The following TMTC1 variants were observed in gnomAD, a reference collection of about 807,000 sequenced individuals.
TMTC1 encodes protein O-mannosyl-transferase TMTC1.
In TMTC1, 73 loss-of-function variants were observed where a neutral mutation model predicts 104.8. The ratio of observed to expected loss-of-function variants is 0.70; its 90% CI spans 0.58 to 0.85. The LOEUF (loss-of-function observed/expected upper bound fraction) is 0.85. Ranked by LOEUF, TMTC1 falls within the 40% of genes least tolerant of loss-of-function variation. The probability of loss-of-function intolerance (pLI) is 0.00; values close to 1 mark genes in which losing one functional copy is unlikely to be tolerated. For synonymous variants in TMTC1, 434 were observed against 428.7 expected, an observed-to-expected ratio of 1.01 and a Z score of -0.15; for missense variants, 1,035 against 1,096.1, an observed-to-expected ratio of 0.94 and a Z score of 0.79.
chr12:29,717,581 A>T (rs1674562793), intron 5 of TMTC1, among the ~76,000 whole-genome samples: 2 of 152,240 alleles, frequency 1.3e-5, no homozygotes, highest in Non-Finnish European at 2.9e-5. Context: ...AGTAAAAACT[A>T]ATCATTAGCT....
intron 5 of TMTC1, among the ~76,000 whole-genome samples, chr12:29,644,890 G>A (rs1320484578): frequency 6.6e-6 from 1 of 151,998 alleles, no homozygotes; most frequent in African/African-American, 2.4e-5. Context: ...AACTCCTCTG[G>A]ATCCTTCAGG....
At chr12:29,643,121 A>T (rs993175488) in intron 5 of TMTC1, among the ~76,000 whole-genome samples, 10 of 152,110 alleles carry the variant, frequency 6.6e-5, no homozygotes, top group Admixed American at 3.3e-4. Flanking sequence ...GAGAATGGCC[A>T]TAATCAAAAA....
At chr12:29,762,777 C>A (rs749705711) in intron 2 of TMTC1, among the ~76,000 whole-genome samples, 1 of 152,192 alleles carries the variant, frequency 6.6e-6, no homozygotes, top group African/African-American at 2.4e-5. Context: ...ACTCAAGAGA[C>A]GAATGCAGTG....
chr12:29,600,219 C>G (rs112213420), intron 7 of TMTC1, among the ~76,000 whole-genome samples: 1 of 151,906 alleles, frequency 6.6e-6, no homozygotes, highest in South Asian at 2.1e-4. Flanking sequence ...GACACATCCA[C>G]GGGATGCCTA....
intron 10 of TMTC1, among the ~76,000 whole-genome samples, chr12:29,536,821 T>G (rs1295029362): frequency 1.3e-5 from 2 of 152,142 alleles, no homozygotes; most frequent in Non-Finnish European, 2.9e-5. Context: ...AGAGAAAATA[T>G]TCCATAAATA....
chr12:29,554,364 T>G (rs1945183372), intron 10 of TMTC1, among the ~76,000 whole-genome samples: 1 of 152,150 alleles, frequency 6.6e-6, no homozygotes, highest in South Asian at 2.1e-4. Flanking sequence ...TTCTTGTTTT[T>G]TTTTTAATAC....
At chr12:29,650,231 T>A (rs1939452680) in intron 5 of TMTC1, among the ~76,000 whole-genome samples, 1 of 152,036 alleles carries the variant, frequency 6.6e-6, no homozygotes. Flanking sequence ...ATTATAGACG[T>A]GCACCATGAT....
chr12:29,508,976 C>T (rs1479973152), intron 17 of TMTC1, among the ~76,000 whole-genome samples: 1 of 152,160 alleles, frequency 6.6e-6, no homozygotes, highest in Non-Finnish European at 1.5e-5. Flanking sequence ...GTTTCCAGAA[C>T]TGTGTTCACT....
chr12:29,586,382 C>A (rs1341517353), intron 7 of TMTC1, among the ~76,000 whole-genome samples: 1 of 151,952 alleles, frequency 6.6e-6, no homozygotes, highest in Admixed American at 6.6e-5. Flanking sequence ...CATCTGCAAA[C>A]AGGGACAATT....
In TMTC1 at chr12:29,704,194, G is replaced by A. The variant is rs189786306; in HGVS notation, c.938+47472C>T. Among the ~76,000 whole-genome samples, 335 of 152,254 alleles carry A rather than the reference G, an allele frequency of 2.2e-3. 2 individuals are homozygous for A. The highest frequency in any genetic ancestry group is 4.1e-3 in the Non-Finnish European group (276 of 68,002). The stretch of plus-strand genomic sequence containing the variant: ...TTCAGTAATAGCTACTTTGATATTT[G>A]TAAATCTATTCTTGGTTTTCAAAAC... On this transcript the variant is annotated intron_variant, in intron 5 of 17. Coordinates refer to ENST00000539277, the MANE Select transcript of TMTC1 (RefSeq NM_001193451.2).
At chr12:29,666,228 C>CTTTTTTTTTTTTTTTTTTTTTT in intron 5 of TMTC1, 4 of 365,796 alleles carry the variant, frequency 1.1e-5, no homozygotes, top group East Asian at 8.1e-5. Context: ...TTTCTTTTTT[C>CTTTTTTTTTTTTTTTTTTTTTT]TTTTTTTTTT....
chr12:29,755,942 A>AT, intron 3 of TMTC1, 57 bp from the exon 4 acceptor site: 1 of 1,537,594 alleles, frequency 6.5e-7, no homozygotes, highest in Non-Finnish European at 8.9e-7. Flanking sequence ...CTGCTAAGAA[A>AT]TGCCACCTCT....
intron 5 of TMTC1, chr12:29,666,394 TG>T: frequency 6.1e-6 from 2 of 329,578 alleles, no homozygotes; most frequent in East Asian, 9.5e-5. Context: ...ATTTTTTTTT[TG>T]TTGTTGTTGT....
At chr12:29,732,929 C>G (rs1942582086) in intron 5 of TMTC1, among the ~76,000 whole-genome samples, 1 of 152,110 alleles carries the variant, frequency 6.6e-6, no homozygotes, top group Non-Finnish European at 1.5e-5. Context: ...TCGAGGGCCT[C>G]CAGGATAAAG....
chr12:29,523,031 T>A (rs1035060103), intron 11 of TMTC1, among the ~76,000 whole-genome samples: 1 of 152,152 alleles, frequency 6.6e-6, no homozygotes, highest in Admixed American at 6.6e-5. Flanking sequence ...AATGGGGAAT[T>A]GGGGAGCCCT....
At chr12:29,661,126 G>A (rs551655188) in intron 5 of TMTC1, among the ~76,000 whole-genome samples, 59 of 152,166 alleles carry the variant, frequency 3.9e-4, no homozygotes, top group African/African-American at 1.4e-3. Context: ...ATAAAAGGGA[G>A]ACAATAATAG....
In TMTC1 at chr12:29,725,011, G is replaced by GTTTTTTTTTTTTTTT. The variant is rs879602127; in HGVS notation, c.938+26654_938+26655insAAAAAAAAAAAAAAA. 2.8e-4 allele frequency among the ~76,000 whole-genome samples: 32 copies of GTTTTTTTTTTTTTTT among 115,740 alleles called. 3 individuals carry two copies. The highest frequency in any genetic ancestry group is 6.5e-4 in the African/African-American group (21 of 32,310). 75.9% of individuals were successfully genotyped at this position (115,740 alleles called of 152,430 possible). ...CGTAGTTTAGCTATATATCTGCCAA[G>GTTTTTTTTTTTTTTT]TTCTTTTTTTTTTTTTTTTTTTTTT... On this transcript the variant is annotated intron_variant, in intron 5 of 17. Transcript: ENST00000539277.
rs549932332 is a variant in TMTC1, at chr12:29,600,783, G to A, written c.1250+3395C>T. Among the ~76,000 whole-genome samples, 4 of 152,284 alleles carry A rather than the reference G, an allele frequency of 2.6e-5. No homozygotes were observed. In the South Asian group the frequency reaches 8.3e-4, roughly 32 times the overall value. On this transcript the variant is annotated intron_variant, in intron 7 of 17. Transcript: ENST00000539277. ...CGGTGGCTCTGGCATCTGCTGAGAT[G>A]GCATCTCCGGAGGGGGAAAGTAGCC...
At chr12:29,696,960 G>T (rs1941441680) in intron 5 of TMTC1, among the ~76,000 whole-genome samples, 2 of 152,094 alleles carry the variant, frequency 1.3e-5, no homozygotes, top group Admixed American at 6.5e-5. Flanking sequence ...TGAAAACCAG[G>T]AAAGTCTATA....
Sources: gnomAD v4.1 joint callset for allele counts (sites outside exome capture counted in the v4.1 genomes callset) on GRCh38, gnomAD v4.1.1 for gene constraint, MANE v1.5 for transcripts, NCBI Gene and HGNC (gene_info 2026-07-23, HGNC 2026-07-21) for gene names.